The following GRM3 variants were observed in gnomAD, a reference collection of about 807,000 sequenced individuals.
GRM3 encodes glutamate metabotropic receptor 3.
Under a neutral mutation model 70.5 loss-of-function variants are expected in GRM3, and 26 were observed. The ratio of observed to expected loss-of-function variants is 0.37; its 90% confidence interval spans 0.27 to 0.51. The LOEUF (loss-of-function observed/expected upper bound fraction) is 0.51. Ranked by LOEUF, GRM3 falls within the 20% of genes least tolerant of loss-of-function variation. The pLI is 0.93. For missense variants in GRM3, 859 were observed against 1,123.8 expected, an observed-to-expected ratio of 0.76 and a Z score of 3.37; for synonymous variants, 443 against 434.9, an observed-to-expected ratio of 1.02 and a Z score of -0.23.
At chr7:86,856,806 A>T (rs1044478966) in intron 5 of GRM3, among the ~76,000 whole-genome samples, 1 of 152,100 alleles carries the variant, frequency 6.6e-6, no homozygotes, top group Non-Finnish European at 1.5e-5. Flanking sequence ...CATCCCTTAA[A>T]TCATTCTCTC....
intron 1 of GRM3, among the ~76,000 whole-genome samples, chr7:86,734,511 C>G (rs1795811052): frequency 6.6e-6 from 1 of 152,164 alleles, no homozygotes; most frequent in African/African-American, 2.4e-5. Flanking sequence ...AGCCATTAAT[C>G]TATTCAGACA....
At chr7:86,784,513 A>G (rs368122558) in intron 2 of GRM3, 2 of 152,286 alleles carry the variant, frequency 1.3e-5, no homozygotes, top group South Asian at 4.2e-4. Context: ...AGTGGTACAT[A>G]AATCCAGTGG....
chr7:86,712,445 T>C (rs1392380538), intron 1 of GRM3, among the ~76,000 whole-genome samples: 1 of 152,000 alleles, frequency 6.6e-6, no homozygotes, highest in African/African-American at 2.4e-5. Context: ...CAAATCAGGG[T>C]AACTGTCATA....
chr7:86,718,206 C>G (rs1426014117), intron 1 of GRM3, among the ~76,000 whole-genome samples: 3 of 151,976 alleles, frequency 2.0e-5, no homozygotes, highest in Admixed American at 6.6e-5. Context: ...TTATTTCAGT[C>G]TGGCATTTAT....
chr7:86,762,917 C>T (rs1796514891), intron 1 of GRM3, among the ~76,000 whole-genome samples: 1 of 152,070 alleles, frequency 6.6e-6, no homozygotes, highest in Non-Finnish European at 1.5e-5. Context: ...TAGGCCCATG[C>T]AGATAAGCAT....
intron 3 of GRM3, among the ~76,000 whole-genome samples, chr7:86,818,736 CA>C (rs1473791450): frequency 2.6e-5 from 4 of 152,058 alleles, no homozygotes; most frequent in Non-Finnish European, 2.9e-5. Flanking sequence ...CCAAATGTGT[CA>C]ATACCCAGCA....
intron 1 of GRM3, among the ~76,000 whole-genome samples, chr7:86,746,375 A>ATATATATATATATAT (rs1562846667): frequency 2.8e-3 from 388 of 136,846 alleles, no homozygotes; most frequent in African/African-American, 3.8e-3. Context: ...ATATATATAT[A>ATATATATATATATAT]ATCACTTCAA....
At chr7:86,793,018 T>C (rs1428934246) in intron 3 of GRM3, among the ~76,000 whole-genome samples, 3 of 60,180 alleles carry the variant, frequency 5.0e-5, no homozygotes, top group African/African-American at 3.6e-4. Flanking sequence ...TTGGTTGCCT[T>C]TTTTTTTTTT....
At chr7:86,810,332 T>A (rs1194665041) in intron 3 of GRM3, among the ~76,000 whole-genome samples, 3 of 152,008 alleles carry the variant, frequency 2.0e-5, no homozygotes, top group Non-Finnish European at 4.4e-5. Flanking sequence ...AAGCACAAAC[T>A]TTTTAAGAAT....
At chr7:86,833,012 C>T (rs1798384448) in intron 3 of GRM3, 2 of 983,906 alleles carry the variant, frequency 2.0e-6, no homozygotes, top group Non-Finnish European at 2.4e-6. Context: ...TCTTTTTCTT[C>T]CCCTTCTAGT....
chr7:86,658,829 C>G (rs1396995601), intron 1 of GRM3, among the ~76,000 whole-genome samples: 2 of 150,494 alleles, frequency 1.3e-5, no homozygotes, highest in Non-Finnish European at 2.9e-5. Context: ...CATCCCAAGT[C>G]AGAGTCAGTA....
intron 1 of GRM3, among the ~76,000 whole-genome samples, chr7:86,716,284 G>A (rs1029369481): frequency 6.6e-6 from 1 of 151,888 alleles, no homozygotes; most frequent in East Asian, 1.9e-4. Context: ...AGAACGGAGA[G>A]AGGAGAAAGA....
chr7:86,840,020 C>T, intron 4 of GRM3, 115 bp downstream of exon 4: 2 of 650,070 alleles, frequency 3.1e-6, no homozygotes, highest in South Asian at 1.9e-5. Context: ...ATTTCAAATG[C>T]CATGATGAGC....
intron 1 of GRM3, among the ~76,000 whole-genome samples, chr7:86,693,675 G>T (rs1451279027): frequency 6.6e-6 from 1 of 152,164 alleles, no homozygotes; most frequent in Non-Finnish European, 1.5e-5. Context: ...TGGTGTGAGA[G>T]AGATTATCTC....
At chr7:86,846,892 G>T (rs1584277580) in intron 4 of GRM3, among the ~76,000 whole-genome samples, 1 of 152,174 alleles carries the variant, frequency 6.6e-6, no homozygotes, top group South Asian at 2.1e-4. Flanking sequence ...TAGTGCCTGA[G>T]ATTTTACTAT....
chr7:86,733,086 G>C (rs1056244105), intron 1 of GRM3, among the ~76,000 whole-genome samples: 63 of 152,176 alleles, frequency 4.1e-4, no homozygotes, highest in African/African-American at 1.4e-3. Context: ...AGGCTGAGGT[G>C]GGTGGATCAC....
At chr7:86,803,449 A>G (rs931834529) in intron 3 of GRM3, among the ~76,000 whole-genome samples, 3 of 152,226 alleles carry the variant, frequency 2.0e-5, no homozygotes, top group African/African-American at 7.2e-5. Context: ...AACTGTAGAA[A>G]AGAAAAAGGA....
intron 1 of GRM3, among the ~76,000 whole-genome samples, chr7:86,661,133 C>A (rs182868198): frequency 1.3e-5 from 2 of 152,074 alleles, no homozygotes; most frequent in East Asian, 3.9e-4. Flanking sequence ...GAATGGGCTT[C>A]CTTGGCTTCC....
At chr7:86,772,163 G>C (rs150115953) in intron 2 of GRM3, among the ~76,000 whole-genome samples, 7 of 152,160 alleles carry the variant, frequency 4.6e-5, no homozygotes, top group Non-Finnish European at 1.0e-4. Flanking sequence ...ACCTAGAATA[G>C]TGTCTCAACC....
Sources: gnomAD v4.1 joint callset for allele counts (sites outside exome capture counted in the v4.1 genomes callset) on GRCh38, gnomAD v4.1.1 for gene constraint, MANE v1.5 for transcripts, NCBI Gene and HGNC (gene_info 2026-07-23, HGNC 2026-07-21) for gene names.